Variants in PCDHGB2 observed in about 807,000 individuals in gnomAD.
The protein encoded by PCDHGB2 is protocadherin gamma subfamily B, 2, also known as protocadherin gamma-B2.
Under a neutral mutation model 59.3 loss-of-function variants are expected in PCDHGB2, and 55 were observed. The ratio of observed to expected loss-of-function variants is 0.93; its 90% confidence interval spans 0.75 to 1.16. PCDHGB2 has a LOEUF of 1.16. Ranked by LOEUF, PCDHGB2 falls within the 50% of genes most tolerant of loss-of-function variation. PCDHGB2 has a pLI of 0.00. For synonymous variants in PCDHGB2, 516 were observed against 512.0 expected (o/e 1.01, Z -0.11); for missense variants, 1,228 against 1,198.5 (o/e 1.02, Z -0.36).
At chr5:141,386,087 A>G (rs1331014845) in intron 1 of PCDHGB2, 2 of 152,268 alleles carry the variant, frequency 1.3e-5, no homozygotes, top group Non-Finnish European at 2.9e-5. Context: ...TGGTACAGCC[A>G]GATGAAGTGT....
chr5:141,418,248 C>T (rs372067603), intron 1 of PCDHGB2: 7 of 1,613,882 alleles, frequency 4.3e-6, no homozygotes, highest in African/African-American at 1.3e-5. Flanking sequence ...AATGACCACG[C>T]CCCTCAATTC....
At chr5:141,509,887 T>C (rs138950510) in intron 3 of PCDHGB2, among the ~76,000 whole-genome samples, 1 of 152,314 alleles carries the variant, frequency 6.6e-6, no homozygotes, top group East Asian at 1.9e-4. Flanking sequence ...TGATGGTGAC[T>C]GACTGTCCCT....
chr5:141,422,656 G>A (rs759548203), intron 1 of PCDHGB2: 3 of 1,609,780 alleles, frequency 1.9e-6, no homozygotes, highest in Non-Finnish European at 1.7e-6. Context: ...CTCAGTGACC[G>A]CCCTCGACCC....
intron 3 of PCDHGB2, chr5:141,506,958 A>C (rs529190059): frequency 1.6e-3 from 239 of 152,280 alleles, no homozygotes; most frequent in African/African-American, 5.5e-3. Flanking sequence ...GAATCCTCTC[A>C]ATAGCTCTGC....
chr5:141,387,949 T>C lies in PCDHGB2; in HGVS notation c.2421+25393T>C, dbSNP rs1016295879. The C allele has an allele frequency of 1.6e-5, 24 of 1,491,992 alleles. No individual in the cohort carries two copies. Among genetic ancestry groups the C allele is most frequent in the Non-Finnish European group, 2.1e-5 (23 of 1,116,382 alleles). 92.4% of individuals were successfully genotyped at this position (1,491,992 alleles called of 1,614,324 possible). On this transcript the variant is annotated intron_variant, in intron 1 of 3. Transcript: ENST00000522605. ...CTGCCAGTGCTCTTTCTCTTCCTGC[T>C]GTCTTTGTTCTGCCCGGCGCTCTGT...
At chr5:141,423,471 G>A in intron 1 of PCDHGB2, 1 of 1,614,052 alleles carries the variant, frequency 6.2e-7, no homozygotes, top group South Asian at 1.1e-5. Context: ...ACGGGGTACA[G>A]GCTTTCCTGC....
chr5:141,485,607 C>T lies in PCDHGB2; in HGVS notation c.2422-9200C>T. On this transcript the variant is annotated intron_variant, in intron 1 of 3. Coordinates refer to ENST00000522605, the MANE Select transcript of PCDHGB2 (RefSeq NM_018923.3). The surrounding 1 kb of genome is among the most constrained non-coding windows in gnomAD (Gnocchi z 5.7). ...CAGCTGGACTTGGAAATTGGGGAGG[C>T]AGCTCCTCCAGGACAGCGTTTCCCG... is the stretch of plus-strand genomic sequence containing the variant. 1 of 1,612,008 alleles carries T rather than the reference C, an allele frequency of 6.2e-7. No individual in the cohort carries two copies. The highest frequency in any genetic ancestry group is 8.5e-7 in the Non-Finnish European group (1 of 1,178,534).
Position 141,360,795 on chromosome 5 carries a change from A to G in PCDHGB2, c.660A>G (p.Pro220=), listed in dbSNP as rs755316172. 2.5e-6 allele frequency: 4 copies of G among 1,613,818 alleles called. No individual in the cohort carries two copies. The highest frequency in any genetic ancestry group is 2.7e-5 in the African/African-American group (2 of 74,926). Residue 220 remains proline (P), a synonymous_variant, in exon 1 of 4, where the codon CCA becomes CCG. Transcript: ENST00000522605. ...TCACAGCTGTGGATGGCGGAGACCC[A>G]CCTCAAAGTGGCACGACCCAAATCC... The part of the protein sequence containing the change: ...LVLTAVDGGD[P]PQSGTTQIRI...
chr5:141,376,195 C>G, intron 1 of PCDHGB2: 1 of 1,614,172 alleles, frequency 6.2e-7, no homozygotes, highest in South Asian at 1.1e-5. Context: ...CCTGCGTCTT[C>G]CTGGCCTTCG....
chr5:141,366,787 T>C, intron 1 of PCDHGB2: 1 of 1,572,004 alleles, frequency 6.4e-7, no homozygotes, highest in Non-Finnish European at 8.6e-7. Flanking sequence ...GACCAGAACA[T>C]TTTCATTTGT....
chr5:141,460,909 G>GGTGT (rs548378036), intron 1 of PCDHGB2, among the ~76,000 whole-genome samples: 1 of 123,246 alleles, frequency 8.1e-6, no homozygotes, highest in African/African-American at 3.7e-5. Flanking sequence ...AATATTCCAT[G>GGTGT]GTGTATATAT....
At chr5:141,428,635 G>A (rs1411119011) in intron 1 of PCDHGB2, 1 of 180,288 alleles carries the variant, frequency 5.5e-6, no homozygotes, top group Non-Finnish European at 1.2e-5. Context: ...TAACTCTGTT[G>A]CTCCTACTCA....
intron 2 of PCDHGB2, among the ~76,000 whole-genome samples, chr5:141,504,579 G>T (rs994771989): frequency 2.0e-5 from 3 of 149,174 alleles, no homozygotes; most frequent in Non-Finnish European, 4.4e-5. Context: ...AACACCATCT[G>T]CCCAGGATTC....
At chr5:141,394,072 T>C (rs1384581843) in intron 1 of PCDHGB2, 4 of 1,613,840 alleles carry the variant, frequency 2.5e-6, no homozygotes, top group Non-Finnish European at 3.4e-6. Context: ...ATCTACAATA[T>C]CACAGTGATG....
intron 1 of PCDHGB2, chr5:141,413,423 C>A (rs770419729): frequency 6.2e-7 from 1 of 1,614,078 alleles, no homozygotes; most frequent in Non-Finnish European, 8.5e-7. Flanking sequence ...TCTCTGAACC[C>A]GCGCAGCGGC....
intron 1 of PCDHGB2, chr5:141,412,932 T>A: frequency 2.2e-6 from 1 of 453,328 alleles, no homozygotes; most frequent in Non-Finnish European, 3.9e-6. Flanking sequence ...AGTAACTTCT[T>A]AGGACTCTGA....
intron 1 of PCDHGB2, among the ~76,000 whole-genome samples, chr5:141,425,689 A>C (rs887583603): frequency 6.6e-6 from 1 of 152,232 alleles, no homozygotes; most frequent in African/African-American, 2.4e-5. Flanking sequence ...ACTGCATATC[A>C]TTTCATAGTG....
chr5:141,399,546 G>A, intron 1 of PCDHGB2: 1 of 1,614,032 alleles, frequency 6.2e-7, no homozygotes, highest in Non-Finnish European at 8.5e-7. Context: ...TCTGCGCCTC[G>A]GACCTGGACT....
intron 1 of PCDHGB2, among the ~76,000 whole-genome samples, chr5:141,472,243 T>A (rs1276064128): frequency 6.6e-6 from 1 of 152,190 alleles, no homozygotes; most frequent in East Asian, 1.9e-4. Context: ...TCACTTTCTA[T>A]TTTAAAGTTA....
Sources: gnomAD v4.1 joint callset for allele counts (sites outside exome capture counted in the v4.1 genomes callset) on GRCh38, gnomAD v4.1.1 for gene constraint, Gnocchi (gnomAD v3.1) non-coding constraint, MANE v1.5 for transcripts, NCBI Gene and HGNC (gene_info 2026-07-23, HGNC 2026-07-21) for gene names.